The following PKP1 variants were observed in gnomAD, a reference collection of about 807,000 sequenced individuals.
PKP1 encodes plakophilin 1.
In PKP1, 27 loss-of-function variants were observed where a neutral mutation model predicts 76.4. The ratio of observed to expected loss-of-function variants is 0.35; its 90% confidence interval spans 0.26 to 0.49. The LOEUF (loss-of-function observed/expected upper bound fraction) is 0.49. Ranked by LOEUF, PKP1 falls within the 20% of genes least tolerant of loss-of-function variation. PKP1 has a pLI of 0.99. For missense variants in PKP1, 964 were observed against 955.2 expected, an observed-to-expected ratio of 1.01 and a Z score of -0.12; for synonymous variants, 404 against 384.2, an observed-to-expected ratio of 1.05 and a Z score of -0.60.
intron 3 of PKP1, among the ~76,000 whole-genome samples, chr1:201,315,120 C>T (rs971472550): frequency 1.3e-5 from 2 of 152,220 alleles, no homozygotes; most frequent in African/African-American, 4.8e-5. Flanking sequence ...AACTAAGAAA[C>T]CTCTCTGTCT....
At chr1:201,314,082 C>T (rs116155555) in intron 3 of PKP1, among the ~76,000 whole-genome samples, 3,603 of 152,236 alleles carry the variant, frequency 0.024, 63 homozygotes, top group Admixed American at 0.034. Flanking sequence ...GTATGGACGA[C>T]GGGAATAGAA....
chr1:201,323,270 C>T (rs993097962), intron 9 of PKP1, 81 bp downstream of exon 9: 2 of 1,377,118 alleles, frequency 1.5e-6, no homozygotes, highest in Non-Finnish European at 2.1e-6. Flanking sequence ...CTTTTCCCCC[C>T]AGCCTGTCCC....
At chr1:201,315,195 G>A (rs951793196) in intron 3 of PKP1, among the ~76,000 whole-genome samples, 1 of 152,326 alleles carries the variant, frequency 6.6e-6, no homozygotes, top group Non-Finnish European at 1.5e-5. Flanking sequence ...CTGAGTGGAG[G>A]TTCTAGGTGA....
intron 12 of PKP1, chr1:201,328,236 G>A (rs1018546968): frequency 9.2e-6 from 2 of 216,348 alleles, no homozygotes; most frequent in African/African-American, 4.6e-5. Context: ...CCATCCAGCA[G>A]GCACTCAGGG....
At chr1:201,299,510 C>T (rs1426921898) in intron 2 of PKP1, among the ~76,000 whole-genome samples, 2 of 152,198 alleles carry the variant, frequency 1.3e-5, no homozygotes, top group African/African-American at 2.4e-5. Context: ...CAAGGACTCA[C>T]TTAGGGTTGC....
chr1:201,310,501 G>C (rs1400608950), intron 2 of PKP1, among the ~76,000 whole-genome samples: 1 of 152,180 alleles, frequency 6.6e-6, no homozygotes, highest in African/African-American at 2.4e-5. Flanking sequence ...AGTTGCTGCC[G>C]TTTCAGCCTT....
chr1:201,302,951 G>A (rs907503517), intron 2 of PKP1, among the ~76,000 whole-genome samples: 1 of 152,244 alleles, frequency 6.6e-6, no homozygotes, highest in African/African-American at 2.4e-5. Context: ...GCGACGGCCT[G>A]AGGCTGCACA....
At chr1:201,323,709 C>A (rs982619577) in intron 9 of PKP1, among the ~76,000 whole-genome samples, 2 of 152,148 alleles carry the variant, frequency 1.3e-5, no homozygotes, top group Non-Finnish European at 1.5e-5. Flanking sequence ...ATGGGCCAGG[C>A]GGCCAACTGT....
In PKP1 at chr1:201,293,055, C is replaced by T. The variant is rs1325235568; in HGVS notation, c.203-887C>T. On this transcript the variant is annotated intron_variant, in intron 1 of 13. Transcript: ENST00000367324. Reference sequence around the variant, plus strand: ...ATGAGCAAGATTAGAAGGTAGTGGCCAAGGAGGGAAGGCAGGTTTGGCATG... The same window carrying T: ...ATGAGCAAGATTAGAAGGTAGTGGCTAAGGAGGGAAGGCAGGTTTGGCATG... 4.6e-5 allele frequency among the ~76,000 whole-genome samples: 7 copies of T among 151,994 alleles called. 1 individual carries two copies. In the South Asian group the frequency reaches 6.2e-4, roughly 14 times the overall value.
At chr1:201,315,275 C>T (rs1268406462) in intron 3 of PKP1, among the ~76,000 whole-genome samples, 1 of 152,234 alleles carries the variant, frequency 6.6e-6, no homozygotes, top group Admixed American at 6.5e-5. Flanking sequence ...GTGACATTCT[C>T]TCAATGCAGG....
At chr1:201,292,512 G>C (rs367726003) in intron 1 of PKP1, among the ~76,000 whole-genome samples, 2 of 152,182 alleles carry the variant, frequency 1.3e-5, no homozygotes, top group African/African-American at 2.4e-5. Flanking sequence ...GTGACCTGGC[G>C]CTGGACAGGG....
chr1:201,307,881 A>G (rs1656415676), intron 2 of PKP1, among the ~76,000 whole-genome samples: 1 of 152,184 alleles, frequency 6.6e-6, no homozygotes, highest in Non-Finnish European at 1.5e-5. Context: ...GGGCCTTGGG[A>G]GATCACGCTG....
At chr1:201,327,079 C>A (rs1657148211) in intron 12 of PKP1, among the ~76,000 whole-genome samples, 1 of 152,184 alleles carries the variant, frequency 6.6e-6, no homozygotes, top group Admixed American at 6.5e-5. Context: ...CCCATGGGGC[C>A]TGCTGCAGTG....
intron 2 of PKP1, among the ~76,000 whole-genome samples, chr1:201,297,416 G>A (rs1043256935): frequency 3.9e-5 from 6 of 152,122 alleles, no homozygotes; most frequent in African/African-American, 4.8e-5. Context: ...TTTTAGCCTC[G>A]CTGCCTGGTT....
At chr1:201,313,059 T>C in intron 2 of PKP1, 107 bp from the exon 3 acceptor site, 7 of 1,185,112 alleles carry the variant, frequency 5.9e-6, no homozygotes, top group Non-Finnish European at 7.4e-6. Context: ...TCTGGGATTC[T>C]GTAAGCGTTA....
At chr1:201,319,963 G>A in intron 6 of PKP1, 2 of 1,409,362 alleles carry the variant, frequency 1.4e-6, no homozygotes, top group South Asian at 2.3e-5. Context: ...AGTGAAGGAG[G>A]AGAAGAACTG....
intron 2 of PKP1, 121 bp from the exon 3 acceptor site, chr1:201,313,041 CCAAA>C: frequency 4.8e-6 from 5 of 1,040,082 alleles, no homozygotes; most frequent in Non-Finnish European, 7.3e-6. Flanking sequence ...TCCTTCCACG[CCAAA>C]CATTCTGGGA....
At chr1:201,320,711 A>C (rs1384958153) in intron 7 of PKP1, among the ~76,000 whole-genome samples, 1 of 152,230 alleles carries the variant, frequency 6.6e-6, no homozygotes. Flanking sequence ...GTTAATAAGC[A>C]AAACACGAAG....
chr1:201,296,754 T>A (rs746379402), intron 2 of PKP1, among the ~76,000 whole-genome samples: 1 of 152,270 alleles, frequency 6.6e-6, no homozygotes, highest in Non-Finnish European at 1.5e-5. Context: ...TTGCTCAGAA[T>A]GTTTCTAGAA....
Sources: allele counts gnomAD v4.1 joint callset (sites outside exome capture counted in the v4.1 genomes callset), GRCh38; gene constraint gnomAD v4.1.1; transcripts MANE v1.5; gene names NCBI Gene and HGNC (gene_info 2026-07-23, HGNC 2026-07-21).